Variants in WDFY4 observed in about 807,000 individuals in gnomAD.
WDFY4 encodes the protein WD repeat- and FYVE domain-containing protein 4.
A neutral mutation model predicts 351.9 loss-of-function variants in WDFY4; 169 were observed. The ratio of observed to expected loss-of-function variants is 0.48; its 90% CI spans 0.42 to 0.55. WDFY4 has a LOEUF of 0.55. Among genes scored for constraint, WDFY4 ranks in the 20% least tolerant of loss-of-function variants. The pLI is 0.00. For synonymous variants in WDFY4, 1,622 were observed against 1,574.6 expected (o/e 1.03, Z -0.71); for missense variants, 3,803 against 3,935.6 (o/e 0.97, Z 0.90).
intron 47 of WDFY4, among the ~76,000 whole-genome samples, chr10:48,937,179 C>T (rs187188850): frequency 1.3e-5 from 2 of 152,268 alleles, no homozygotes; most frequent in Admixed American, 1.3e-4. Flanking sequence ...CACGTGTGAG[C>T]CACTGTGCCA....
intron 39 of WDFY4, among the ~76,000 whole-genome samples, chr10:48,865,682 A>T (rs1003644244): frequency 6.6e-6 from 1 of 152,192 alleles, no homozygotes; most frequent in African/African-American, 2.4e-5. Context: ...CAGTGAAGCC[A>T]TCTGGGCCTG....
intron 54 of WDFY4, among the ~76,000 whole-genome samples, chr10:48,965,770 A>ATC (rs1842046521): frequency 6.6e-6 from 1 of 152,192 alleles, no homozygotes; most frequent in African/African-American, 2.4e-5. Flanking sequence ...TGAAACTTAT[A>ATC]TCTATATCAG....
intron 57 of WDFY4, among the ~76,000 whole-genome samples, chr10:48,971,235 G>A (rs183721306): frequency 1.3e-3 from 196 of 152,234 alleles, no homozygotes; most frequent in African/African-American, 4.4e-3. Flanking sequence ...AATCACTCAC[G>A]CCTGTAATAC....
chr10:48,753,869 G>A (rs1032782991), intron 12 of WDFY4, among the ~76,000 whole-genome samples: 3 of 152,322 alleles, frequency 2.0e-5, no homozygotes, highest in Admixed American at 2.0e-4. Context: ...AGGGTCAGCT[G>A]TCACCATTTG....
At chr10:48,922,805 A>G (rs567879127) in intron 47 of WDFY4, among the ~76,000 whole-genome samples, 1 of 152,330 alleles carries the variant, frequency 6.6e-6, no homozygotes, top group African/African-American at 2.4e-5. Flanking sequence ...CATGAATGGA[A>G]TGATTCCATT....
chr10:48,687,947 A>G (rs1270772409), intron 1 of WDFY4, among the ~76,000 whole-genome samples: 1 of 151,968 alleles, frequency 6.6e-6, no homozygotes, highest in East Asian at 1.9e-4. Context: ...ACATCTGTCT[A>G]ATTTTTGGGT....
chr10:48,818,597 A>T (rs1265806624), intron 32 of WDFY4, among the ~76,000 whole-genome samples: 1 of 152,234 alleles, frequency 6.6e-6, no homozygotes, highest in Non-Finnish European at 1.5e-5. Flanking sequence ...GCGATTAACA[A>T]GAGACGGAGC....
intron 51 of WDFY4, among the ~76,000 whole-genome samples, chr10:48,956,747 A>T (rs1255442181): frequency 6.6e-6 from 1 of 152,184 alleles, no homozygotes; most frequent in Non-Finnish European, 1.5e-5. Context: ...TCAGGAGCCG[A>T]GTCCCAGTCA....
rs116463386 is a variant in WDFY4, at chr10:48,912,250, A to G, written c.7586+10387A>G. ...AAAGTAGTATTTCAGCTTTGCAATG[A>G]ACTAAGTTATGGTTCTGGAAGAAAA... is the stretch of plus-strand genomic sequence containing the variant. On this transcript the variant is annotated intron_variant, in intron 47 of 61. Transcript: ENST00000325239. Among the ~76,000 whole-genome samples the G allele has an allele frequency of 2.3e-3, 358 of 152,350 alleles. 5 individuals carry two copies. Among genetic ancestry groups the G allele is most frequent in the African/African-American group, 8.2e-3 (340 of 41,586 alleles).
chr10:48,809,214 TCATCACCACCACCACCACATTAATCAC>T (rs2067359781), intron 28 of WDFY4, among the ~76,000 whole-genome samples: 1 of 140,886 alleles, frequency 7.1e-6, no homozygotes, highest in African/African-American at 2.7e-5. Flanking sequence ...ACCACCACCA[TCATCACCACCACCACCACATTAATCAC>T]CATCACCACC....
chr10:48,909,424 T>G (rs560475665), intron 47 of WDFY4: 1 of 152,190 alleles, frequency 6.6e-6, no homozygotes, highest in African/African-American at 2.4e-5. Flanking sequence ...TAAATTGGAG[T>G]TGCTTGAGGT....
At chr10:48,720,253 G>A in intron 3 of WDFY4, 128 bp downstream of exon 3, 1 of 922,280 alleles carries the variant, frequency 1.1e-6, no homozygotes, top group Admixed American at 2.6e-5. Flanking sequence ...AGAGAAGTAG[G>A]CCCCACTCTG....
At chr10:48,914,308 T>C (rs1454363397) in intron 47 of WDFY4, 12 of 797,454 alleles carry the variant, frequency 1.5e-5, no homozygotes, top group African/African-American at 1.7e-5. Context: ...GACGCTTTGC[T>C]CTTCAGTGGT....
chr10:48,769,155 C>T (rs2065777875), intron 13 of WDFY4, among the ~76,000 whole-genome samples: 5 of 152,170 alleles, frequency 3.3e-5, no homozygotes, highest in African/African-American at 1.2e-4. Flanking sequence ...ACAGATCTGC[C>T]TAGTTACGTT....
At chr10:48,823,174 T>C in intron 35 of WDFY4, 1 of 1,303,662 alleles carries the variant, frequency 7.7e-7, no homozygotes, top group Non-Finnish European at 1.0e-6. Flanking sequence ...GACCTTTTTT[T>C]TTTTTAGATC....
At chr10:48,843,753 T>G (rs2068683437) in intron 39 of WDFY4, among the ~76,000 whole-genome samples, 1 of 152,218 alleles carries the variant, frequency 6.6e-6, no homozygotes, top group Non-Finnish European at 1.5e-5. Flanking sequence ...CTTCCCAATG[T>G]AAGATGTACC....
intron 52 of WDFY4, among the ~76,000 whole-genome samples, chr10:48,958,253 A>G (rs775174742): frequency 1.3e-5 from 2 of 152,214 alleles, no homozygotes; most frequent in Non-Finnish European, 2.9e-5. Context: ...AGTCTGACCT[A>G]TGGAACCTGG....
chr10:48,695,915 G>A (rs183918086), intron 1 of WDFY4, among the ~76,000 whole-genome samples: 2 of 152,274 alleles, frequency 1.3e-5, no homozygotes, highest in African/African-American at 4.8e-5. Context: ...GTATTCCGTT[G>A]CTGTTGCAAA....
At position 48,807,948 on chromosome 10, in the gene WDFY4, C is replaced by G. The variant is rs201180478; in HGVS notation, c.4828C>G (p.Leu1610Val). 36 of 1,545,318 alleles carry G rather than the reference C, an allele frequency of 2.3e-5. No individual in the cohort carries two copies. The highest frequency in any genetic ancestry group is 2.6e-5 in the Non-Finnish European group (30 of 1,144,528). Residue 1610 changes from leucine to valine, a missense_variant, in exon 28 of 62, where the codon CTG (leucine) becomes GTG (valine). Leu to Val is a conservative substitution (Grantham distance 32). This residue lies in a region of WDFY4 where 3,054 missense variants were observed against 3,148.6 expected (regional missense o/e 0.97). Transcript: ENST00000325239. ...TGTAATATCTTCCCCCCAGCTTCAT[C>G]TGTCCTCTGAGTAAGTAGCTCCAGG... Reference protein sequence around the residue: ...LSVISSPQLHLSSESKEEMFL... With the variant: ...LSVISSPQLHVSSESKEEMFL...
Sources: allele counts gnomAD v4.1 joint callset (sites outside exome capture counted in the v4.1 genomes callset), GRCh38; gene constraint gnomAD v4.1.1; regional missense constraint gnomAD v4.1.1; transcripts MANE v1.5; gene names NCBI Gene and HGNC (gene_info 2026-07-23, HGNC 2026-07-21).